The following R3HDM2 variants were observed in gnomAD, a reference collection of about 807,000 sequenced individuals.
The protein encoded by R3HDM2 is R3H domain containing 2.
In R3HDM2, 38 loss-of-function variants were observed where a neutral mutation model predicts 124.5. The ratio of observed to expected loss-of-function variants is 0.31; its 90% CI spans 0.24 to 0.40. The LOEUF is 0.40. R3HDM2 is among the 10% of genes least tolerant of loss of function. The pLI is 1.00. For synonymous variants in R3HDM2, 391 were observed against 448.0 expected (o/e 0.87, Z 1.61); for missense variants, 869 against 1,236.9 (o/e 0.70, Z 4.46).
chr12:57,390,810 A>C lies in R3HDM2; in HGVS notation c.-36+4939T>G, dbSNP rs572057225. Among the ~76,000 whole-genome samples the C allele has an allele frequency of 3.3e-5, 5 of 152,288 alleles. No individual in the cohort carries two copies. In the East Asian group the frequency reaches 9.6e-4, roughly 29 times the overall value. On this transcript the variant is annotated intron_variant, in intron 2 of 23. Coordinates refer to ENST00000402412, the MANE Select transcript of R3HDM2 (RefSeq NM_001394031.1). ...TGGATTACCTGAGGTCAGGAGTCTG[A>C]GACCAGCCTGGCCAACATGGTGAAA...
intron 2 of R3HDM2, among the ~76,000 whole-genome samples, chr12:57,327,278 C>T (rs1430437159): frequency 6.6e-6 from 1 of 151,908 alleles, no homozygotes; most frequent in Non-Finnish European, 1.5e-5. Flanking sequence ...ACCAGCCTGA[C>T]CAACATGGTG....
At chr12:57,314,731 C>T (rs950565236) in intron 2 of R3HDM2, among the ~76,000 whole-genome samples, 1 of 152,132 alleles carries the variant, frequency 6.6e-6, no homozygotes, top group Non-Finnish European at 1.5e-5. Flanking sequence ...GTCTTAGAGT[C>T]ACAAAAAATT....
At chr12:57,420,498 TAC>T (rs2070085313) in intron 1 of R3HDM2, among the ~76,000 whole-genome samples, 1 of 151,564 alleles carries the variant, frequency 6.6e-6, no homozygotes, top group Admixed American at 6.6e-5. Flanking sequence ...TACTTCTCAT[TAC>T]ACACACTTTA....
intron 2 of R3HDM2, among the ~76,000 whole-genome samples, chr12:57,313,659 C>T (rs568576640): frequency 6.6e-6 from 1 of 151,440 alleles, no homozygotes; most frequent in East Asian, 1.9e-4. Flanking sequence ...GTAGGAGGGT[C>T]GCTTGAGGCC....
chr12:57,297,090 C>A (rs1271738217), intron 8 of R3HDM2: 2 of 414,100 alleles, frequency 4.8e-6, no homozygotes, highest in African/African-American at 4.2e-5. Context: ...GTCCCACCCA[C>A]CTGGATGATG....
intron 2 of R3HDM2, among the ~76,000 whole-genome samples, chr12:57,340,312 G>A (rs2059402821): frequency 6.6e-6 from 1 of 152,148 alleles, no homozygotes. Flanking sequence ...GATTAATGAG[G>A]GTTGTCCACC....
At chr12:57,386,123 A>G (rs977661761) in intron 2 of R3HDM2, among the ~76,000 whole-genome samples, 2 of 150,616 alleles carry the variant, frequency 1.3e-5, no homozygotes, top group African/African-American at 2.4e-5. Context: ...TTAACATGCA[A>G]TAGGTTTGAG....
At chr12:57,291,285 C>T (rs2048529409) in intron 11 of R3HDM2, among the ~76,000 whole-genome samples, 1 of 150,898 alleles carries the variant, frequency 6.6e-6, no homozygotes, top group Non-Finnish European at 1.5e-5. Context: ...TATATATATT[C>T]TCCCCCCTTG....
chr12:57,382,932 G>A (rs191281593), intron 2 of R3HDM2, among the ~76,000 whole-genome samples: 1,541 of 152,078 alleles, frequency 0.01, 12 homozygotes, highest in Middle Eastern at 0.041. Context: ...GTGCAATGGC[G>A]CAATCTCGCC....
intron 1 of R3HDM2, among the ~76,000 whole-genome samples, chr12:57,427,785 T>G (rs993968595): frequency 1.3e-5 from 2 of 151,896 alleles, no homozygotes; most frequent in African/African-American, 4.8e-5. Context: ...GCCATCCAGA[T>G]AGCCAAGGGA....
At chr12:57,279,224 C>T (rs947613383) in intron 14 of R3HDM2, among the ~76,000 whole-genome samples, 1 of 148,282 alleles carries the variant, frequency 6.7e-6, no homozygotes, top group African/African-American at 2.5e-5. Flanking sequence ...ACTCTGTCGC[C>T]CAGGCTAGAG....
intron 4 of R3HDM2, among the ~76,000 whole-genome samples, chr12:57,302,517 T>A (rs2138772571): frequency 1.3e-5 from 2 of 148,924 alleles, no homozygotes; most frequent in East Asian, 4.0e-4. Context: ...ATTACAAAAA[T>A]TAGCCAGGCA....
At chr12:57,359,609 T>C (rs987177489) in intron 2 of R3HDM2, among the ~76,000 whole-genome samples, 2 of 152,214 alleles carry the variant, frequency 1.3e-5, no homozygotes, top group Non-Finnish European at 2.9e-5. Flanking sequence ...GCAGACAGCA[T>C]GCGGCTGGGT....
At chr12:57,360,642 G>A (rs1256939273) in intron 2 of R3HDM2, among the ~76,000 whole-genome samples, 1 of 147,708 alleles carries the variant, frequency 6.8e-6, no homozygotes, top group Non-Finnish European at 1.5e-5. Context: ...GAAAAAGGAA[G>A]GGAAGGGGAA....
At chr12:57,297,233 C>A (rs749411181) in intron 8 of R3HDM2, 95 bp downstream of exon 8, 23 of 650,024 alleles carry the variant, frequency 3.5e-5, no homozygotes, top group African/African-American at 1.9e-4. Context: ...TTTCAAAAAT[C>A]ACACTTCAAG....
chr12:57,318,744 A>G (rs1008495127), intron 2 of R3HDM2, among the ~76,000 whole-genome samples: 1 of 152,242 alleles, frequency 6.6e-6, no homozygotes, highest in Non-Finnish European at 1.5e-5. Flanking sequence ...TTGAGTGCTT[A>G]CATTGTGCCA....
At chr12:57,413,450 A>G (rs2069202077) in intron 1 of R3HDM2, among the ~76,000 whole-genome samples, 1 of 149,252 alleles carries the variant, frequency 6.7e-6, no homozygotes, top group East Asian at 2.0e-4. Flanking sequence ...AAAAAAAAAA[A>G]GCAGGCTGGG....
At chr12:57,378,536 A>G (rs2064393138) in intron 2 of R3HDM2, among the ~76,000 whole-genome samples, 4 of 151,970 alleles carry the variant, frequency 2.6e-5, no homozygotes, top group Admixed American at 1.3e-4. Flanking sequence ...TGCCACCACG[A>G]CTGGCTAATT....
At chr12:57,368,609 C>A (rs184513714) in intron 2 of R3HDM2, among the ~76,000 whole-genome samples, 13 of 152,264 alleles carry the variant, frequency 8.5e-5, no homozygotes, top group African/African-American at 3.1e-4. Context: ...GACATCAAGG[C>A]TTACGTAGCC....
Sources: gnomAD v4.1 joint callset for allele counts (sites outside exome capture counted in the v4.1 genomes callset) on GRCh38, gnomAD v4.1.1 for gene constraint, MANE v1.5 for transcripts, NCBI Gene and HGNC (gene_info 2026-07-23, HGNC 2026-07-21) for gene names.